Variants in HERC3 observed in about 807,000 individuals in gnomAD.
HERC3 encodes HECT and RLD domain containing E3 ubiquitin protein ligase 3.
In HERC3, 58 loss-of-function variants were observed where a neutral mutation model predicts 129.9. The ratio of observed to expected loss-of-function variants is 0.45; its 90% confidence interval spans 0.36 to 0.56. The LOEUF (loss-of-function observed/expected upper bound fraction) is 0.56. Ranked by LOEUF, HERC3 falls within the 20% of genes least tolerant of loss-of-function variation. HERC3 has a pLI of 0.00. For synonymous variants in HERC3, 430 were observed against 451.0 expected, an observed-to-expected ratio of 0.95 and a Z score of 0.59; for missense variants, 835 against 1,244.2, an observed-to-expected ratio of 0.67 and a Z score of 4.95.
In HERC3 at chr4:88,687,348, G is replaced by T; in HGVS notation, c.2657+49G>T. 4 of 1,265,624 alleles carry T rather than the reference G, an allele frequency of 3.2e-6. No individual in the cohort carries two copies. In the South Asian group the frequency reaches 4.2e-5, roughly 13 times the overall value. 78.4% of individuals were successfully genotyped at this position (1,265,624 alleles called of 1,614,324 possible). A position where few individuals can be genotyped will look rare whatever the true frequency, so the allele number is the denominator to read the frequency against. On this transcript the variant is annotated intron_variant, in intron 23 of 25. Coordinates refer to ENST00000402738, the MANE Select transcript of HERC3 (RefSeq NM_014606.3). ...GCAGATACTGCTACTTCATATTTCT[G>T]CAGTTTTACATTTAAGACCAAAATA...
At chr4:88,610,130 G>A (rs1000480345) in intron 3 of HERC3, among the ~76,000 whole-genome samples, 2 of 151,934 alleles carry the variant, frequency 1.3e-5, no homozygotes, top group African/African-American at 2.4e-5. Context: ...TGTATTTTTT[G>A]TTGACTTCCT....
chr4:88,698,356 A>G (rs1316501237), intron 23 of HERC3, among the ~76,000 whole-genome samples: 1 of 151,530 alleles, frequency 6.6e-6, no homozygotes, highest in Non-Finnish European at 1.5e-5. Context: ...CTCTGTACCT[A>G]TGTGTCCACC....
chr4:88,561,226 T>C, the HERC3 span, among the ~76,000 whole-genome samples: 1 of 152,304 alleles, frequency 6.6e-6, no homozygotes, highest in Non-Finnish European at 1.5e-5. Context: ...AGACGACTTA[T>C]TTTCTAATTG....
chr4:88,533,290 C>T, the HERC3 span, among the ~76,000 whole-genome samples: 1 of 152,268 alleles, frequency 6.6e-6, no homozygotes, highest in Non-Finnish European at 1.5e-5. Context: ...TGGTGCCCAC[C>T]CACATTGAGG....
intron 7 of HERC3, 68 bp downstream of exon 7, chr4:88,654,201 G>A: frequency 1.9e-6 from 2 of 1,052,894 alleles, no homozygotes; most frequent in Non-Finnish European, 2.9e-6. Context: ...GCTTGATTAT[G>A]TTAGTGTAGT....
the HERC3 span, chr4:88,527,892 C>G: frequency 3.5e-6 from 1 of 284,486 alleles, no homozygotes; most frequent in Non-Finnish European, 7.0e-6. Flanking sequence ...ACCACTGGGA[C>G]AACAGCACCA....
chr4:88,594,591 CGCCAAAAGACGAAACGGGGTTTT>C (rs888761208), intron 1 of HERC3, among the ~76,000 whole-genome samples: 3 of 152,086 alleles, frequency 2.0e-5, no homozygotes, highest in African/African-American at 7.2e-5. Flanking sequence ...TTTTTGGTTT[CGCCAAAAGACGAAACGGGGTTTT>C]GCCATGTTGC....
chr4:88,596,572 A>G (rs1722414749), intron 2 of HERC3, among the ~76,000 whole-genome samples: 1 of 152,222 alleles, frequency 6.6e-6, no homozygotes, highest in Non-Finnish European at 1.5e-5. Flanking sequence ...TTCATGGAGA[A>G]ACTCCCAGTC....
At chr4:88,616,699 AGT>A (rs902716721) in intron 3 of HERC3, among the ~76,000 whole-genome samples, 1 of 151,760 alleles carries the variant, frequency 6.6e-6, no homozygotes, top group Non-Finnish European at 1.5e-5. Context: ...TGTTTGTTTT[AGT>A]GGTAATGTAT....
Position 88,655,296 on chromosome 4 carries a change from T to C in HERC3, c.900T>C (p.Ala300=), listed in dbSNP as rs760809303. 1.2e-6 allele frequency: 2 copies of C among 1,613,594 alleles called. No homozygotes were observed. The highest frequency in any genetic ancestry group is 1.7e-6 in the Non-Finnish European group (2 of 1,179,634). ...TGGGTAGTGAAGTAACTCAAATTGCTTGTGGCAGGTGAGTGTTCCTCAAAG... is the reference window on the plus strand; with the variant it reads ...TGGGTAGTGAAGTAACTCAAATTGCCTGTGGCAGGTGAGTGTTCCTCAAAG... ...ELMGSEVTQI[A]CGRQHTLAFV... is the part of the protein sequence containing the mutation. Residue 300 remains alanine, a synonymous_variant, in exon 8 of 26, where the codon GCT becomes GCC. Transcript: ENST00000402738.
chr4:88,693,463 A>G, intron 23 of HERC3: 1 of 972,146 alleles, frequency 1.0e-6, no homozygotes. Flanking sequence ...TTTCTTTCAC[A>G]CATAGGCTAC....
intron 21 of HERC3, among the ~76,000 whole-genome samples, chr4:88,686,394 A>C (rs1308874334): frequency 6.6e-6 from 1 of 152,188 alleles, no homozygotes; most frequent in Non-Finnish European, 1.5e-5. Flanking sequence ...CCCCTGCAAT[A>C]CCATCTCCTC....
intron 23 of HERC3, chr4:88,690,287 T>A (rs1214316480): frequency 1.0e-6 from 1 of 982,000 alleles, no homozygotes; most frequent in Non-Finnish European, 1.2e-6. Flanking sequence ...CAGATAATGT[T>A]TTTAGAATTG....
rs150050897 is a variant in HERC3, at chr4:88,665,589, C to T, written c.1331+1377C>T. On this transcript the variant is annotated intron_variant, in intron 12 of 25. Transcript: ENST00000402738. ...TAGTCACTAATTCAAATGCCAATCT[C>T]TTACAGAAAACTGACCCAGACATAC... Among the ~76,000 whole-genome samples the T allele has an allele frequency of 3.1e-4, 47 of 152,318 alleles. No individual in the cohort carries two copies. In the East Asian group the frequency reaches 8.9e-3, roughly 29 times the overall value.
chr4:88,690,262 T>C, intron 23 of HERC3: 1 of 978,436 alleles, frequency 1.0e-6, no homozygotes, highest in Non-Finnish European at 1.2e-6. Flanking sequence ...GACCAGGCTT[T>C]TTATTCCATA....
chr4:88,551,882 C>G, the HERC3 span, among the ~76,000 whole-genome samples: 1 of 152,088 alleles, frequency 6.6e-6, no homozygotes, highest in Non-Finnish European at 1.5e-5. Context: ...TTGGAACAAA[C>G]CCAAATGTCC....
the HERC3 span, among the ~76,000 whole-genome samples, chr4:88,534,048 G>A: frequency 2.0e-5 from 3 of 152,030 alleles, no homozygotes; most frequent in Non-Finnish European, 4.4e-5. Flanking sequence ...ATCTGACAGT[G>A]CTTTTCAAAC....
chr4:88,697,568 G>A (rs1734750796), intron 23 of HERC3: 1 of 1,613,902 alleles, frequency 6.2e-7, no homozygotes, highest in African/African-American at 1.3e-5. Flanking sequence ...TTCGGCTTTG[G>A]GGCATTCTCT....
chr4:88,652,156 G>T (rs1325295582), intron 5 of HERC3, 68 bp downstream of exon 5: 2 of 1,213,752 alleles, frequency 1.6e-6, no homozygotes, highest in Non-Finnish European at 2.4e-6. Flanking sequence ...GTCTTTTTGT[G>T]TGATATTATC....
Sources: gnomAD v4.1 joint callset for allele counts (sites outside exome capture counted in the v4.1 genomes callset) on GRCh38, gnomAD v4.1.1 for gene constraint, MANE v1.5 for transcripts, NCBI Gene and HGNC (gene_info 2026-07-23, HGNC 2026-07-21) for gene names.